SKI: variants seen among roughly 807,000 people sequenced by gnomAD.
The protein encoded by SKI is SKI proto-oncogene.
Under a neutral mutation model 59.3 loss-of-function variants are expected in SKI, and 23 were observed. The observed-to-expected ratio is 0.39, with a 90% confidence interval of 0.28 to 0.55. The LOEUF (loss-of-function observed/expected upper bound fraction) is 0.55, where lower values mean the gene tolerates loss of function less well. SKI is among the 20% of genes least tolerant of loss of function. SKI has a pLI of 0.67. For missense variants in SKI, 1,017 were observed against 1,038.9 expected (o/e 0.98, Z 0.29); for synonymous variants, 673 against 488.6 (o/e 1.38, Z -4.98).
At chr1:2,244,784 C>T (rs1638956856) in intron 1 of SKI, among the ~76,000 whole-genome samples, 2 of 152,092 alleles carry the variant, frequency 1.3e-5, no homozygotes, top group Admixed American at 6.5e-5. Flanking sequence ...TTACATGTAG[C>T]ATTCAGCAGT....
At chr1:2,282,870 G>A (rs555875213) in intron 1 of SKI, among the ~76,000 whole-genome samples, 17 of 152,358 alleles carry the variant, frequency 1.1e-4, no homozygotes, top group South Asian at 8.3e-4. Flanking sequence ...CTGTCACCCC[G>A]GTGTGGGCCC....
intron 1 of SKI, among the ~76,000 whole-genome samples, chr1:2,253,096 A>G (rs1203833573): frequency 9.9e-5 from 3 of 30,358 alleles, no homozygotes; most frequent in Admixed American, 5.1e-4. Context: ...ACCCTGTCTG[A>G]AAAAAAAAAA....
At chr1:2,299,759 G>A (rs912658318) in intron 1 of SKI, among the ~76,000 whole-genome samples, 4 of 152,208 alleles carry the variant, frequency 2.6e-5, no homozygotes, top group East Asian at 1.9e-4. Flanking sequence ...GCATCTGCAC[G>A]TGTCAGGCAG....
In SKI at chr1:2,228,902, G is replaced by T. The variant is rs1300049118; in HGVS notation, c.136G>T (p.Ala46Ser). The T allele has an allele frequency of 2.8e-6, 4 of 1,419,250 alleles. No homozygotes were observed. Among genetic ancestry groups the T allele is most frequent in the Non-Finnish European group, 3.7e-6 (4 of 1,081,892 alleles). 87.9% of individuals were successfully genotyped at this position (1,419,250 alleles called of 1,614,324 possible). A position where few individuals can be genotyped will look rare whatever the true frequency, so the allele number is the denominator to read the frequency against. Reference sequence around the variant, plus strand: ...TTTCTCGGCGCGCTGGGCGCAGGAGGCCTACAAGAAGGAGAGCGCCAAGGA... The same window carrying T: ...TTTCTCGGCGCGCTGGGCGCAGGAGTCCTACAAGAAGGAGAGCGCCAAGGA... ...AAFSARWAQE[A>S]YKKESAKEAG... Residue 46 changes from alanine to serine, a missense_variant, in exon 1 of 7, where the codon GCC becomes TCC. Coordinates refer to ENST00000378536, the MANE Select transcript of SKI (RefSeq NM_003036.4).
intron 1 of SKI, among the ~76,000 whole-genome samples, chr1:2,273,568 G>T (rs1373188421): frequency 6.6e-6 from 1 of 152,114 alleles, no homozygotes; most frequent in African/African-American, 2.4e-5. Flanking sequence ...TGCCTGGGGC[G>T]GTCCTCCCCA....
intron 1 of SKI, among the ~76,000 whole-genome samples, chr1:2,293,824 C>T (rs1333286601): frequency 6.6e-6 from 1 of 152,212 alleles, no homozygotes; most frequent in Non-Finnish European, 1.5e-5. Context: ...CCTTGAAACT[C>T]CGTGCCAGGT....
intron 1 of SKI, among the ~76,000 whole-genome samples, chr1:2,240,196 G>A (rs1400518010): frequency 6.6e-6 from 1 of 152,222 alleles, no homozygotes; most frequent in Admixed American, 6.5e-5. Flanking sequence ...GCTGTCCTCC[G>A]GGTTCTTCTC....
At chr1:2,248,267 C>T (rs1028532178) in intron 1 of SKI, among the ~76,000 whole-genome samples, 5 of 152,170 alleles carry the variant, frequency 3.3e-5, no homozygotes, top group South Asian at 2.1e-4. Context: ...CGGGGCTGCC[C>T]GGACTCAGCC....
chr1:2,299,918 G>T (rs536408260), intron 1 of SKI, among the ~76,000 whole-genome samples: 1 of 152,306 alleles, frequency 6.6e-6, no homozygotes, highest in South Asian at 2.1e-4. Context: ...CTTGCTTGTG[G>T]CAGTGTACTG....
In SKI at chr1:2,270,128, T is replaced by C. The variant is rs1639585115; in HGVS notation, c.970-32850T>C. On this transcript the variant is annotated intron_variant, in intron 1 of 6. Transcript: ENST00000378536. The surrounding 1 kb of genome is among the most constrained non-coding windows in gnomAD (Gnocchi z 4.1). ...CCCAGGGGTGCTGTGCCCTGGTCAT[T>C]GTCCCCTACAGCCAGGCAGTAAAGT... 6.6e-6 allele frequency among the ~76,000 whole-genome samples: 1 copy of C among 152,122 alleles called. No homozygotes were observed. The highest frequency in any genetic ancestry group is 1.9e-4 in the East Asian group (1 of 5,182).
intron 1 of SKI, among the ~76,000 whole-genome samples, chr1:2,285,480 A>C (rs775664223): frequency 6.6e-6 from 1 of 151,400 alleles, no homozygotes; most frequent in East Asian, 2.0e-4. Flanking sequence ...GTGCCACTGC[A>C]CTCCAGCCTG....
intron 1 of SKI, among the ~76,000 whole-genome samples, chr1:2,293,723 C>T (rs1005503403): frequency 1.6e-4 from 25 of 152,186 alleles, no homozygotes; most frequent in African/African-American, 4.6e-4. Context: ...CTGGGATCCC[C>T]GTGCAAGGCC....
In SKI at chr1:2,249,174, TTGG is replaced by T. The variant is rs1313764982; in HGVS notation, c.969+19443_969+19445del. ...GAGGCCAGCTTTCATGGCAGCGTTGTTGGTGGGCGTGCAGGGTGTGTCTGACCT... is the reference window on the plus strand; with the variant it reads ...GAGGCCAGCTTTCATGGCAGCGTTGTTGGGCGTGCAGGGTGTGTCTGACCT... On this transcript the variant is annotated intron_variant, in intron 1 of 6. Transcript: ENST00000378536. Among the ~76,000 whole-genome samples, 3 of 152,220 alleles carry T rather than the reference TTGG, an allele frequency of 2.0e-5. No individual in the cohort carries two copies. The East Asian group carries it at 5.8e-4, about 29-fold the overall frequency.
intron 1 of SKI, among the ~76,000 whole-genome samples, chr1:2,276,137 C>T (rs907150265): frequency 1.1e-4 from 17 of 152,184 alleles, no homozygotes; most frequent in Admixed American, 9.8e-4. Context: ...TGTGATTGAG[C>T]ACAGGGCCTG....
At position 2,235,045 on chromosome 1, in the gene SKI, A is replaced by ATT. The variant is rs34974355; in HGVS notation, c.969+5324_969+5325dup. On this transcript the variant is annotated intron_variant, in intron 1 of 6. Coordinates refer to ENST00000378536, the MANE Select transcript of SKI (RefSeq NM_003036.4). ...TGGAGCAGGGTTTTTTTTTGTTGTT[A>ATT]TTTTTTTTTTTTTTTGAGACAGGGT... Among the ~76,000 whole-genome samples the ATT allele has an allele frequency of 6.6e-4, 89 of 135,356 alleles. No homozygotes were observed. The East Asian group carries it at 7.1e-3, about 11-fold the overall frequency. The allele number at this position is 135,356 out of a possible 152,430, so 88.8% of individuals were successfully genotyped here. A position where few individuals can be genotyped will look rare whatever the true frequency, so the allele number is the denominator to read the frequency against.
intron 1 of SKI, among the ~76,000 whole-genome samples, chr1:2,238,659 G>A (rs1638801646): frequency 6.6e-6 from 1 of 152,190 alleles, no homozygotes; most frequent in African/African-American, 2.4e-5. Flanking sequence ...CAGGGCAGCC[G>A]AGCCACCCTC....
chr1:2,304,406 G>C lies in SKI; in HGVS notation c.1588G>C (p.Ala530Pro), dbSNP rs1489962932. The C allele has an allele frequency of 6.4e-7, 1 of 1,553,118 alleles. No homozygotes were observed. ...GCCCTCGGCCGTCCCTGATGCTGCGGCCCCTGCCGACGCCCCCAGTGGGCT... is the reference window on the plus strand; with the variant it reads ...GCCCTCGGCCGTCCCTGATGCTGCGCCCCCTGCCGACGCCCCCAGTGGGCT... ...ALPSAVPDAA[A>P]PADAPSGLEA... The change falls in exon 5 of 7, where the codon GCC becomes CCC. Residue 530 changes from alanine to proline, a missense_variant. Transcript: ENST00000378536.
At chr1:2,248,588 C>T (rs1457272764) in intron 1 of SKI, among the ~76,000 whole-genome samples, 3 of 152,146 alleles carry the variant, frequency 2.0e-5, no homozygotes, top group Admixed American at 1.3e-4. Context: ...TGACCTGAGG[C>T]GGGGCGGCGC....
rs776210714 is a variant in SKI, at chr1:2,228,901, G to A, written c.135G>A (p.Glu45=). ...CTTTCTCGGCGCGCTGGGCGCAGGA[G>A]GCCTACAAGAAGGAGAGCGCCAAGG... ...PAAFSARWAQ[E]AYKKESAKEA... The change falls in exon 1 of 7, where the codon GAG becomes GAA. Residue 45 remains glutamate, a synonymous_variant. Coordinates refer to ENST00000378536, the MANE Select transcript of SKI (RefSeq NM_003036.4). 1.4e-6 allele frequency: 2 copies of A among 1,419,604 alleles called. No individual in the cohort carries two copies. Among genetic ancestry groups the A allele is most frequent in the South Asian group, 1.3e-5 (1 of 75,536 alleles). 87.9% of individuals were successfully genotyped at this position (1,419,604 alleles called of 1,614,324 possible). A position where few individuals can be genotyped will look rare whatever the true frequency, so the allele number is the denominator to read the frequency against.
Sources: gnomAD v4.1 joint callset for allele counts (sites outside exome capture counted in the v4.1 genomes callset) on GRCh38, gnomAD v4.1.1 for gene constraint, Gnocchi (gnomAD v3.1) non-coding constraint, MANE v1.5 for transcripts, NCBI Gene and HGNC (gene_info 2026-07-23, HGNC 2026-07-21) for gene names.